The following ZMAT5 variants were observed in gnomAD, a reference collection of about 807,000 sequenced individuals.
The protein encoded by ZMAT5 is zinc finger matrin-type 5.
Under a neutral mutation model 28.0 loss-of-function variants are expected in ZMAT5, and 23 were observed. The observed-to-expected ratio is 0.82, with a 90% CI of 0.59 to 1.16. The LOEUF is 1.16. Ranked by LOEUF, ZMAT5 falls within the 50% of genes most tolerant of loss-of-function variation. ZMAT5 has a pLI of 0.00. For missense variants in ZMAT5, 173 were observed against 212.7 expected (o/e 0.81, Z 1.16); for synonymous variants, 76 against 84.1 (o/e 0.90, Z 0.52).
chr22:29,748,461 C>T lies in ZMAT5; in HGVS notation c.84G>A (p.Leu28=), dbSNP rs903909014. The change falls in exon 2 of 6, where the codon CTG becomes CTA. Residue 28 remains leucine (L), a synonymous_variant. Coordinates refer to ENST00000344318, the MANE Select transcript of ZMAT5 (RefSeq NM_001003692.2). The part of the protein sequence containing the change: ...LHNRKKHLNG[L]QHLKAKKVWY... ...AGACCTTCTTGGCCTTGAGGTGCTGCAGCCCGTTCAGGTGCTTCTTGCGGT... is the reference window on the plus strand; with the variant it reads ...AGACCTTCTTGGCCTTGAGGTGCTGTAGCCCGTTCAGGTGCTTCTTGCGGT... The T allele has an allele frequency of 6.2e-7, 1 of 1,614,140 alleles. No homozygotes were observed. The highest frequency in any genetic ancestry group is 1.3e-5 in the African/African-American group (1 of 74,948).
At chr22:29,734,690 C>A (rs536563375) in intron 5 of ZMAT5, among the ~76,000 whole-genome samples, 1 of 152,194 alleles carries the variant, frequency 6.6e-6, no homozygotes, top group African/African-American at 2.4e-5. Flanking sequence ...AAATAGCATG[C>A]GCAAGGTGCT....
chr22:29,766,617 G>A (rs1396751907), intron 1 of ZMAT5, among the ~76,000 whole-genome samples: 3 of 152,218 alleles, frequency 2.0e-5, no homozygotes, highest in African/African-American at 7.2e-5. Context: ...CCAAACCAGG[G>A]TTGCCCGGTG....
chr22:29,734,171 G>A (rs1307158629), intron 5 of ZMAT5, among the ~76,000 whole-genome samples: 1 of 152,332 alleles, frequency 6.6e-6, no homozygotes, highest in East Asian at 1.9e-4. Context: ...TGGCCTTGCC[G>A]AGGGATTAGT....
chr22:29,750,780 A>C (rs1167359785), intron 1 of ZMAT5, among the ~76,000 whole-genome samples: 1 of 152,200 alleles, frequency 6.6e-6, no homozygotes, highest in Non-Finnish European at 1.5e-5. Context: ...ACCACAGTGG[A>C]CCAATGGGGG....
At chr22:29,761,237 C>T (rs1032346773) in intron 1 of ZMAT5, among the ~76,000 whole-genome samples, 3 of 130,018 alleles carry the variant, frequency 2.3e-5, no homozygotes, top group Admixed American at 9.1e-5. Context: ...TGTGCCACTG[C>T]ACTCTAGCCT....
At chr22:29,766,018 G>C (rs1408247276) in intron 1 of ZMAT5, among the ~76,000 whole-genome samples, 2 of 152,090 alleles carry the variant, frequency 1.3e-5, no homozygotes, top group Non-Finnish European at 2.9e-5. Flanking sequence ...TGGCCTCCTA[G>C]TGCAACTAGA....
intron 1 of ZMAT5, among the ~76,000 whole-genome samples, chr22:29,763,386 G>A (rs1428051904): frequency 2.6e-5 from 4 of 151,126 alleles, no homozygotes; most frequent in African/African-American, 7.3e-5. Flanking sequence ...GGTGGATCAC[G>A]AGGTCAGAGA....
At chr22:29,737,512 G>T (rs965645797) in intron 5 of ZMAT5, among the ~76,000 whole-genome samples, 1 of 152,340 alleles carries the variant, frequency 6.6e-6, no homozygotes. Context: ...ACACCACAGA[G>T]GTAGTCAGGT....
At chr22:29,732,466 AG>A (rs1269178702) in intron 5 of ZMAT5, among the ~76,000 whole-genome samples, 1 of 152,186 alleles carries the variant, frequency 6.6e-6, no homozygotes, top group Non-Finnish European at 1.5e-5. Context: ...GGCCGGGCGC[AG>A]TGACTCACGC....
chr22:29,751,793 C>T (rs2068057303), intron 1 of ZMAT5, among the ~76,000 whole-genome samples: 1 of 152,090 alleles, frequency 6.6e-6, no homozygotes, highest in Admixed American at 6.5e-5. Context: ...AGAGTGAAAC[C>T]CCATCTGTAC....
At chr22:29,731,424 A>T in intron 5 of ZMAT5, 70 bp from the exon 6 acceptor site, 3 of 1,501,002 alleles carry the variant, frequency 2.0e-6, no homozygotes, top group South Asian at 2.8e-5. Context: ...CCCCCAGCCC[A>T]CCTGCCTCAC....
intron 1 of ZMAT5, among the ~76,000 whole-genome samples, chr22:29,759,983 C>CAAGG (rs2068140453): frequency 1.3e-5 from 2 of 151,916 alleles, no homozygotes; most frequent in Non-Finnish European, 2.9e-5. Flanking sequence ...GGTGGATTGC[C>CAAGG]TGAGCTCAGG....
At chr22:29,754,991 C>G (rs1052353674) in intron 1 of ZMAT5, among the ~76,000 whole-genome samples, 1 of 151,964 alleles carries the variant, frequency 6.6e-6, no homozygotes, top group Non-Finnish European at 1.5e-5. Context: ...ACACTCTGAA[C>G]CCCACTTTAA....
intron 1 of ZMAT5, among the ~76,000 whole-genome samples, chr22:29,766,129 C>T (rs985491910): frequency 6.6e-6 from 1 of 152,142 alleles, no homozygotes; most frequent in South Asian, 2.1e-4. Flanking sequence ...GCCTGGGCAA[C>T]ACAGTGAGAC....
intron 5 of ZMAT5, among the ~76,000 whole-genome samples, chr22:29,732,573 T>C (rs1337770958): frequency 2.0e-5 from 3 of 151,412 alleles, no homozygotes; most frequent in African/African-American, 4.9e-5. Flanking sequence ...CCGTCTCTAC[T>C]AAAAGTACAA....
At chr22:29,760,603 G>A (rs1265706600) in intron 1 of ZMAT5, among the ~76,000 whole-genome samples, 1 of 152,100 alleles carries the variant, frequency 6.6e-6, no homozygotes, top group African/African-American at 2.4e-5. Flanking sequence ...ATCTGGAGGG[G>A]GACCTAGAAA....
At chr22:29,738,030 C>A (rs2074705) in intron 5 of ZMAT5, among the ~76,000 whole-genome samples, 5,482 of 152,214 alleles carry the variant, frequency 0.036, 262 homozygotes, top group East Asian at 0.25. Flanking sequence ...ACAGCCCAGG[C>A]CCCTCCCTCT....
intron 2 of ZMAT5, among the ~76,000 whole-genome samples, chr22:29,742,789 G>A (rs2067975092): frequency 1.3e-5 from 2 of 152,044 alleles, no homozygotes; most frequent in South Asian, 4.2e-4. Context: ...TGGGGACTTT[G>A]GGTTTTTTTG....
intron 1 of ZMAT5, among the ~76,000 whole-genome samples, chr22:29,751,005 C>T (rs551816726): frequency 7.2e-5 from 11 of 152,330 alleles, no homozygotes; most frequent in African/African-American, 2.2e-4. Flanking sequence ...CAGACACGCA[C>T]ACTTGATATA....
Sources: allele counts gnomAD v4.1 joint callset (sites outside exome capture counted in the v4.1 genomes callset), GRCh38; gene constraint gnomAD v4.1.1; transcripts MANE v1.5; gene names NCBI Gene and HGNC (gene_info 2026-07-23, HGNC 2026-07-21).